SMC6: variants seen among roughly 807,000 people sequenced by gnomAD.
The protein encoded by SMC6 is structural maintenance of chromosomes 6.
SMC6 carries 79 observed loss-of-function variants against 142.2 expected under a neutral mutation model. The ratio of observed to expected loss-of-function variants is 0.56; its 90% CI spans 0.46 to 0.67. SMC6 has a LOEUF of 0.67. SMC6 is among the 30% of genes least tolerant of loss of function. SMC6 has a pLI of 0.00. For synonymous variants in SMC6, 411 were observed against 412.4 expected, an observed-to-expected ratio of 1.00 and a Z score of 0.04; for missense variants, 1,072 against 1,284.0, an observed-to-expected ratio of 0.83 and a Z score of 2.52.
chr2:17,698,949 C>T (rs914213397), intron 21 of SMC6, among the ~76,000 whole-genome samples: 14 of 152,054 alleles, frequency 9.2e-5, no homozygotes, highest in African/African-American at 2.9e-4. Context: ...AATCTTACCT[C>T]CCTTTTGTAT....
intron 23 of SMC6, 127 bp from the exon 24 acceptor site, chr2:17,683,890 G>T: frequency 1.2e-6 from 1 of 803,800 alleles, no homozygotes; most frequent in Non-Finnish European, 2.1e-6. Context: ...CCTAGTAGCA[G>T]TCAATTTCAT....
chr2:17,720,879 C>T (rs993453412), intron 11 of SMC6, 61 bp downstream of exon 11: 43 of 1,392,374 alleles, frequency 3.1e-5, no homozygotes, highest in Middle Eastern at 2.4e-4. Flanking sequence ...CATAAATAGT[C>T]TAATATCTGT....
chr2:17,718,117 G>C lies in SMC6; in HGVS notation c.1052C>G (p.Ala351Gly). The C allele has an allele frequency of 1.2e-6, 2 of 1,610,742 alleles. No homozygotes were observed. Among genetic ancestry groups the C allele is most frequent in the South Asian group, 2.2e-5 (2 of 90,634 alleles). The change falls in exon 12 of 28, where the codon GCA becomes GGA. Residue 351 changes from alanine (A) to glycine (G), a missense_variant. Coordinates refer to ENST00000448223, the MANE Select transcript of SMC6 (RefSeq NM_001142286.2). ...ARAPECMALK[A>G]DVVAKKRAYN... The stretch of plus-strand genomic sequence containing the variant: ...GGCCCTTTTCTTAGCAACAACATCT[G>C]CTTTCAATGCCATACATTCTGGTGC...
intron 18 of SMC6, among the ~76,000 whole-genome samples, chr2:17,706,026 A>G (rs1296495073): frequency 6.6e-6 from 1 of 152,122 alleles, no homozygotes; most frequent in Non-Finnish European, 1.5e-5. Context: ...CCCTAAATTT[A>G]AGATCCAGTA....
At chr2:17,678,658 C>T (rs982931260) in intron 25 of SMC6, among the ~76,000 whole-genome samples, 1 of 151,608 alleles carries the variant, frequency 6.6e-6, no homozygotes, top group African/African-American at 2.4e-5. Context: ...CACCTATACT[C>T]CTAGCTACTT....
chr2:17,730,562 TTATATTA>T (rs1669857555), intron 7 of SMC6, among the ~76,000 whole-genome samples: 2 of 151,962 alleles, frequency 1.3e-5, no homozygotes, highest in Admixed American at 6.6e-5. Context: ...ATTAAAGGTG[TTATATTA>T]TGTATTGACA....
intron 3 of SMC6, 59 bp downstream of exon 3, chr2:17,745,768 A>G: frequency 6.6e-7 from 1 of 1,511,252 alleles, no homozygotes; most frequent in Non-Finnish European, 8.9e-7. Flanking sequence ...AGAATGTGAT[A>G]TGATGAATGT....
Position 17,700,281 on chromosome 2 carries a change from A to G in SMC6, c.2321T>C (p.Ile774Thr), listed in dbSNP as rs1371096267. The G allele has an allele frequency of 6.2e-7, 1 of 1,611,434 alleles. No individual in the cohort carries two copies. Among genetic ancestry groups the G allele is most frequent in the Non-Finnish European group, 8.5e-7 (1 of 1,178,678 alleles). ...ENMEHLKSLK[I>T]EAENKYDAIK... ...TGCATCATACTTATTTTCTGCTTCT[A>G]TTTTCAGACTTTTAAGATGCTCCAT... is the stretch of plus-strand genomic sequence containing the variant. The change falls in exon 21 of 28, where the codon ATA becomes ACA. Residue 774 changes from isoleucine (I) to threonine (T), a missense_variant. By Grantham distance (89) the Ile-to-Thr change is moderately conservative. This residue lies in a region of SMC6 where 994 missense variants were observed against 1,153.2 expected (regional missense o/e 0.86). Coordinates refer to ENST00000448223, the MANE Select transcript of SMC6 (RefSeq NM_001142286.2).
chr2:17,707,846 T>C (rs1668624573), intron 17 of SMC6, among the ~76,000 whole-genome samples: 1 of 151,726 alleles, frequency 6.6e-6, no homozygotes, highest in Non-Finnish European at 1.5e-5. Context: ...CTGGAGGAAG[T>C]AAAAGAAGAT....
intron 2 of SMC6, among the ~76,000 whole-genome samples, chr2:17,749,317 A>G (rs888724173): frequency 3.3e-5 from 5 of 152,230 alleles, no homozygotes; most frequent in African/African-American, 1.2e-4. Context: ...AAAAAACAGA[A>G]TTAAAGAACA....
intron 24 of SMC6, among the ~76,000 whole-genome samples, chr2:17,682,661 A>C (rs1049508985): frequency 2.6e-5 from 4 of 152,114 alleles, no homozygotes; most frequent in Non-Finnish European, 5.9e-5. Flanking sequence ...GTGATTTACA[A>C]GGTATCGGTA....
Position 17,665,323 on chromosome 2 carries a change from G to T in SMC6, c.*176C>A. On this transcript the variant is annotated 3_prime_UTR_variant, in exon 28 of 28. Transcript: ENST00000448223. ...CTTAAAGTAATAGTAATCTTAAATT[G>T]CAGGTTGTAGTTGGTTTTCCAGGCT... 1 of 396,414 alleles carries T rather than the reference G, an allele frequency of 2.5e-6. No homozygotes were observed. Among genetic ancestry groups the T allele is most frequent in the Non-Finnish European group, 4.5e-6 (1 of 223,988 alleles). The allele number at this position is 396,414 out of a possible 1,614,324, so 24.6% of individuals were successfully genotyped here.
intron 23 of SMC6, among the ~76,000 whole-genome samples, chr2:17,687,857 C>A (rs1453826208): frequency 6.6e-6 from 1 of 151,962 alleles, no homozygotes; most frequent in African/African-American, 2.4e-5. Flanking sequence ...TAAAGAAAAA[C>A]CTAATCCAAA....
chr2:17,691,248 AC>A (rs1478021864), intron 23 of SMC6, among the ~76,000 whole-genome samples: 1 of 142,044 alleles, frequency 7.0e-6, no homozygotes, highest in Non-Finnish European at 1.6e-5. Flanking sequence ...ACACACACAC[AC>A]ACACACACAC....
chr2:17,693,147 G>A (rs1042799418), intron 23 of SMC6, among the ~76,000 whole-genome samples: 5 of 152,294 alleles, frequency 3.3e-5, no homozygotes, highest in African/African-American at 1.2e-4. Flanking sequence ...AAGTCAGTGT[G>A]GCGATTGCTA....
At chr2:17,699,206 A>G (rs1668153208) in intron 21 of SMC6, among the ~76,000 whole-genome samples, 1 of 151,588 alleles carries the variant, frequency 6.6e-6, no homozygotes, top group Admixed American at 6.6e-5. Context: ...AATATCTTGA[A>G]TTTTTCCTTT....
intron 27 of SMC6, 107 bp downstream of exon 27, chr2:17,666,313 T>C: frequency 1.3e-6 from 1 of 760,632 alleles, no homozygotes. Flanking sequence ...CTAATTTTTA[T>C]TTTCATTGGT....
At chr2:17,670,641 A>G (rs1666710887) in intron 25 of SMC6, 66 bp from the exon 26 acceptor site, 1 of 1,384,700 alleles carries the variant, frequency 7.2e-7, no homozygotes, top group South Asian at 1.5e-5. Context: ...TAAATTCTTT[A>G]CAAGACAGAT....
At chr2:17,730,261 A>G (rs1356191821) in intron 7 of SMC6, among the ~76,000 whole-genome samples, 2 of 152,228 alleles carry the variant, frequency 1.3e-5, no homozygotes, top group Non-Finnish European at 2.9e-5. Flanking sequence ...TAATTCAGCC[A>G]AAGTATCTCA....
Sources: allele counts gnomAD v4.1 joint callset (sites outside exome capture counted in the v4.1 genomes callset), GRCh38; gene constraint gnomAD v4.1.1; regional missense constraint gnomAD v4.1.1; transcripts MANE v1.5; gene names NCBI Gene and HGNC (gene_info 2026-07-23, HGNC 2026-07-21).